EXT2: variants seen among roughly 807,000 people sequenced by gnomAD.
The protein encoded by EXT2 is exostosin glycosyltransferase 2, also known as exostosin-2.
In EXT2, 53 loss-of-function variants were observed where a neutral mutation model predicts 81.6. The ratio of observed to expected loss-of-function variants is 0.65; its 90% CI spans 0.52 to 0.82. EXT2 has a LOEUF of 0.82. Ranked by LOEUF, EXT2 falls within the 40% of genes least tolerant of loss-of-function variation. The probability of loss-of-function intolerance (pLI) is 0.00; values close to 1 mark genes in which losing one functional copy is unlikely to be tolerated. For synonymous variants in EXT2, 320 were observed against 340.0 expected (o/e 0.94, Z 0.65); for missense variants, 774 against 910.2 (o/e 0.85, Z 1.93).
chr11:44,107,010 A>G (rs924809518), intron 1 of EXT2, among the ~76,000 whole-genome samples: 1 of 152,228 alleles, frequency 6.6e-6, no homozygotes, highest in Non-Finnish European at 1.5e-5. Flanking sequence ...TTGAAATAAA[A>G]TAACTGTCTT....
intron 10 of EXT2, among the ~76,000 whole-genome samples, chr11:44,224,137 ATAAT>A: frequency 6.6e-6 from 1 of 152,310 alleles, no homozygotes. Flanking sequence ...ATGTGAATCT[ATAAT>A]TATCTCAAAC....
At chr11:44,096,443 C>G in intron 1 of EXT2, 1 of 1,047,970 alleles carries the variant, frequency 9.5e-7, no homozygotes, top group South Asian at 1.5e-5. Context: ...ACTGGGTGGC[C>G]GGGGTCATGT....
At chr11:44,179,999 GATTCT>G (rs1955213053) in intron 8 of EXT2, among the ~76,000 whole-genome samples, 1 of 152,218 alleles carries the variant, frequency 6.6e-6, no homozygotes, top group Non-Finnish European at 1.5e-5. Context: ...ACCAGAGGTT[GATTCT>G]TGACTTTTGG....
chr11:44,203,023 G>A (rs1285076362), intron 9 of EXT2, among the ~76,000 whole-genome samples: 1 of 152,160 alleles, frequency 6.6e-6, no homozygotes, highest in Non-Finnish European at 1.5e-5. Context: ...TGCTGCTGAA[G>A]GCAACACATC....
chr11:44,186,754 G>A (rs1396169624), intron 8 of EXT2, among the ~76,000 whole-genome samples: 11 of 152,168 alleles, frequency 7.2e-5, no homozygotes, highest in African/African-American at 2.7e-4. Context: ...GATGATCTGA[G>A]TGACTTGAGG....
intron 9 of EXT2, among the ~76,000 whole-genome samples, chr11:44,199,709 CTG>C (rs1590641341): frequency 6.7e-6 from 1 of 149,890 alleles, no homozygotes; most frequent in East Asian, 2.0e-4. Context: ...TCATTGCAAA[CTG>C]TGAGAAAGGA....
At chr11:44,221,858 T>C (rs1482799749) in intron 10 of EXT2, among the ~76,000 whole-genome samples, 1 of 152,146 alleles carries the variant, frequency 6.6e-6, no homozygotes, top group East Asian at 1.9e-4. Context: ...TTTCAGGCAG[T>C]GGTTGGTGAT....
chr11:44,219,052 C>T (rs1036076829), intron 10 of EXT2, among the ~76,000 whole-genome samples: 2 of 152,042 alleles, frequency 1.3e-5, no homozygotes, highest in African/African-American at 2.4e-5. Flanking sequence ...CTGCCCGCCT[C>T]GGCCTCCCAA....
At chr11:44,243,618 CTTTTTTTTTTTT>C (rs1215047805) in intron 13 of EXT2, among the ~76,000 whole-genome samples, 2 of 72,894 alleles carry the variant, frequency 2.7e-5, no homozygotes, top group Non-Finnish European at 5.1e-5. Context: ...GCCCTGTCAC[CTTTTTTTTTTTT>C]TTTTTTTTTT....
At chr11:44,180,827 C>T (rs949353511) in intron 8 of EXT2, among the ~76,000 whole-genome samples, 12 of 152,102 alleles carry the variant, frequency 7.9e-5, no homozygotes, top group South Asian at 4.1e-4. Context: ...TCTGGCTGGG[C>T]GCGGTGGCTC....
intron 4 of EXT2, among the ~76,000 whole-genome samples, chr11:44,119,169 T>TATATATATATATATATATAG (rs1192115471): frequency 7.9e-5 from 5 of 63,154 alleles, no homozygotes; most frequent in South Asian, 5.7e-4. Flanking sequence ...TATATATATA[T>TATATATATATATATATATAG]ACACATACAC....
intron 7 of EXT2, among the ~76,000 whole-genome samples, chr11:44,143,536 G>C (rs1954674000): frequency 6.6e-6 from 1 of 152,182 alleles, no homozygotes; most frequent in Non-Finnish European, 1.5e-5. Flanking sequence ...GAAAAAGTGA[G>C]AGCCACTGAC....
chr11:44,239,091 C>A (rs1956004102), intron 13 of EXT2, among the ~76,000 whole-genome samples: 1 of 152,108 alleles, frequency 6.6e-6, no homozygotes, highest in Non-Finnish European at 1.5e-5. Flanking sequence ...AAGGAAGGAA[C>A]AAATTAAATT....
intron 8 of EXT2, among the ~76,000 whole-genome samples, chr11:44,192,884 ATT>A (rs1397458321): frequency 6.6e-6 from 1 of 152,208 alleles, no homozygotes; most frequent in Non-Finnish European, 1.5e-5. Flanking sequence ...GTTCGGAGTC[ATT>A]TCAAAACTCA....
At chr11:44,200,307 T>C (rs1233136888) in intron 9 of EXT2, among the ~76,000 whole-genome samples, 11 of 152,124 alleles carry the variant, frequency 7.2e-5, no homozygotes, top group African/African-American at 2.2e-4. Flanking sequence ...TCCCACTTTT[T>C]TTTTTTTTTC....
chr11:44,125,698 T>C (rs1954391590), intron 5 of EXT2, among the ~76,000 whole-genome samples: 1 of 151,656 alleles, frequency 6.6e-6, no homozygotes, highest in Non-Finnish European at 1.5e-5. Flanking sequence ...TTTTTTAATC[T>C]CCAGAGAGCT....
chr11:44,240,565 A>G (rs953327522), intron 13 of EXT2, among the ~76,000 whole-genome samples: 1 of 152,196 alleles, frequency 6.6e-6, no homozygotes, highest in Non-Finnish European at 1.5e-5. Context: ...CAAAATCCCT[A>G]TCTGTAAAAA....
chr11:44,209,455 A>G (rs1955622069), intron 10 of EXT2, among the ~76,000 whole-genome samples: 1 of 152,198 alleles, frequency 6.6e-6, no homozygotes, highest in Non-Finnish European at 1.5e-5. Context: ...TTCATTATTC[A>G]GAAGGAACAT....
chr11:44,141,578 A>G (rs1954646592), intron 7 of EXT2, among the ~76,000 whole-genome samples: 2 of 152,246 alleles, frequency 1.3e-5, no homozygotes, highest in Admixed American at 6.5e-5. Context: ...CAAACTAAAC[A>G]ACTTTTAAGT....
Sources: gnomAD v4.1 joint callset for allele counts (sites outside exome capture counted in the v4.1 genomes callset) on GRCh38, gnomAD v4.1.1 for gene constraint, MANE v1.5 for transcripts, NCBI Gene and HGNC (gene_info 2026-07-23, HGNC 2026-07-21) for gene names.